The following IL1RAPL1 variants were observed in gnomAD, a reference collection of about 807,000 sequenced individuals.
IL1RAPL1 encodes the protein interleukin-1 receptor accessory protein-like 1.
Under a neutral mutation model 48.4 loss-of-function variants are expected in IL1RAPL1, and 3 were observed. The ratio of observed to expected loss-of-function variants is 0.06; its 90% CI spans 0.03 to 0.16. IL1RAPL1 has a LOEUF of 0.16. IL1RAPL1 is among the 10% of genes least tolerant of loss of function. The pLI is 1.00. For missense variants in IL1RAPL1, 349 were observed against 530.6 expected (o/e 0.66, Z 3.36); for synonymous variants, 185 against 187.7 (o/e 0.99, Z 0.12).
At chrX:29,612,661 T>C (rs1346545414) in intron 5 of IL1RAPL1, among the ~76,000 whole-genome samples, 1 of 111,808 alleles carries the variant, frequency 8.9e-6, no homozygotes, top group Non-Finnish European at 1.9e-5. Flanking sequence ...TAAGAAAGTT[T>C]TTAGTGTGTT....
At chrX:28,954,768 C>T (rs765420475) in intron 2 of IL1RAPL1, among the ~76,000 whole-genome samples, 17 of 111,291 alleles carry the variant, frequency 1.5e-4, no homozygotes, top group African/African-American at 4.9e-4. Flanking sequence ...TTCTGAACAA[C>T]GTGAACCTAA....
chrX:28,936,027 C>T (rs1368928748), intron 2 of IL1RAPL1, among the ~76,000 whole-genome samples: 1 of 111,463 alleles, frequency 9.0e-6, no homozygotes, highest in African/African-American at 3.3e-5. Flanking sequence ...AAATATAGGT[C>T]ACTGGAATTG....
intron 5 of IL1RAPL1, among the ~76,000 whole-genome samples, chrX:29,599,907 T>C (rs766370897): frequency 8.9e-6 from 1 of 111,885 alleles, no homozygotes; most frequent in South Asian, 3.8e-4. Flanking sequence ...TTGCTGATGA[T>C]TTTTCCTTTT....
chrX:29,889,145 T>C (rs964191675), intron 6 of IL1RAPL1, among the ~76,000 whole-genome samples: 2 of 112,071 alleles, frequency 1.8e-5, no homozygotes, highest in Non-Finnish European at 3.8e-5. Flanking sequence ...TAGGTTCATG[T>C]TTTTTTGTGT....
At chrX:29,750,200 T>G (rs745694000) in intron 6 of IL1RAPL1, among the ~76,000 whole-genome samples, 2 of 112,254 alleles carry the variant, frequency 1.8e-5, no homozygotes, top group South Asian at 7.4e-4. Flanking sequence ...CTGGGTAACG[T>G]AAGAACATGA....
intron 2 of IL1RAPL1, among the ~76,000 whole-genome samples, chrX:29,208,008 G>C (rs1365923200): frequency 2.7e-5 from 3 of 111,645 alleles, no homozygotes; most frequent in Non-Finnish European, 5.6e-5. Context: ...ATATGCAAGA[G>C]AGACAATTAC....
At chrX:29,725,928 T>G (rs1366866471) in intron 6 of IL1RAPL1, among the ~76,000 whole-genome samples, 1 of 112,170 alleles carries the variant, frequency 8.9e-6, no homozygotes, top group Non-Finnish European at 1.9e-5. Flanking sequence ...ATGAGAAATA[T>G]TCTCCATTCT....
At chrX:29,672,824 C>G (rs907262333) in intron 6 of IL1RAPL1, among the ~76,000 whole-genome samples, 4 of 111,803 alleles carry the variant, frequency 3.6e-5, no homozygotes, top group African/African-American at 1.3e-4. Flanking sequence ...TTTTTCTTTA[C>G]TAATTTATTC....
chrX:29,018,094 A>G (rs888558404), intron 2 of IL1RAPL1, among the ~76,000 whole-genome samples: 8 of 111,989 alleles, frequency 7.1e-5, no homozygotes, highest in Non-Finnish European at 1.5e-4. Flanking sequence ...TATCCAATTC[A>G]TGATTATCAC....
At chrX:29,491,135 A>G (rs1356040005) in intron 5 of IL1RAPL1, among the ~76,000 whole-genome samples, 5 of 111,604 alleles carry the variant, frequency 4.5e-5, no homozygotes, top group Non-Finnish European at 9.4e-5. Context: ...TAATTTCGGT[A>G]TACATATCTC....
chrX:28,845,189 T>A (rs1430283975), intron 2 of IL1RAPL1, among the ~76,000 whole-genome samples: 1 of 111,328 alleles, frequency 9.0e-6, no homozygotes, highest in African/African-American at 3.3e-5. Context: ...TGATGTAGGG[T>A]CTTGTTTATT....
chrX:29,037,947 C>T (rs1926765366), intron 2 of IL1RAPL1, among the ~76,000 whole-genome samples: 1 of 111,321 alleles, frequency 9.0e-6, no homozygotes, highest in Admixed American at 9.6e-5. Flanking sequence ...GACAGTTGGC[C>T]TCCTAGCGCC....
intron 2 of IL1RAPL1, among the ~76,000 whole-genome samples, chrX:28,961,207 G>A (rs992019467): frequency 1.8e-5 from 2 of 110,641 alleles, no homozygotes; most frequent in African/African-American, 6.6e-5. Context: ...TGATACTGTT[G>A]TTGCTCTGAT....
chrX:28,611,848 C>T (rs1934151176), intron 1 of IL1RAPL1, among the ~76,000 whole-genome samples: 1 of 112,603 alleles, frequency 8.9e-6, no homozygotes, highest in Non-Finnish European at 1.9e-5. Context: ...AACTGTAGAA[C>T]ACAAGATAAA....
chrX:29,458,780 C>CT (rs1934770133), intron 5 of IL1RAPL1, among the ~76,000 whole-genome samples: 2 of 109,012 alleles, frequency 1.8e-5, no homozygotes, highest in Non-Finnish European at 3.8e-5. Flanking sequence ...TCTTGAACTC[C>CT]TGGGCTCAAG....
At chrX:29,616,062 AC>A (rs1452073729) in intron 5 of IL1RAPL1, among the ~76,000 whole-genome samples, 2 of 111,918 alleles carry the variant, frequency 1.8e-5, no homozygotes, top group African/African-American at 6.5e-5. Flanking sequence ...TAGAAATCAC[AC>A]ATGCCGTTTT....
intron 2 of IL1RAPL1, among the ~76,000 whole-genome samples, chrX:29,003,080 G>A (rs2147389433): frequency 9.0e-6 from 1 of 110,962 alleles, no homozygotes; most frequent in South Asian, 3.8e-4. Context: ...AAGGAGGGGG[G>A]ACAGGGTAGG....
intron 5 of IL1RAPL1, among the ~76,000 whole-genome samples, chrX:29,517,954 C>G (rs995809734): frequency 2.7e-5 from 3 of 111,774 alleles, no homozygotes; most frequent in Non-Finnish European, 3.8e-5. Context: ...TTACTGTTAA[C>G]TCTAATTTTT....
At chrX:28,736,036 GATATT>G (rs1569161477) in intron 1 of IL1RAPL1, among the ~76,000 whole-genome samples, 1 of 110,993 alleles carries the variant, frequency 9.0e-6, no homozygotes, top group African/African-American at 3.3e-5. Flanking sequence ...TTAAATTCAA[GATATT>G]ATATAGCAAT....
Sources: allele counts gnomAD v4.1 joint callset (sites outside exome capture counted in the v4.1 genomes callset), GRCh38; gene constraint gnomAD v4.1.1; transcripts MANE v1.5; gene names NCBI Gene and HGNC (gene_info 2026-07-23, HGNC 2026-07-21).